The following PTK2B variants were observed in gnomAD, a reference collection of about 807,000 sequenced individuals.
PTK2B encodes the protein protein-tyrosine kinase 2-beta.
PTK2B carries 71 observed loss-of-function variants against 142.9 expected under a neutral mutation model. That is an observed-to-expected ratio of 0.50 (90% confidence interval 0.41 to 0.61). The LOEUF (loss-of-function observed/expected upper bound fraction) is 0.61, where lower values mean the gene tolerates loss of function less well. Among genes scored for constraint, PTK2B ranks in the 20% least tolerant of loss-of-function variants. The pLI, the probability that PTK2B is intolerant of heterozygous loss-of-function variation, is 0.00. For missense variants in PTK2B, 1,105 were observed against 1,320.4 expected (o/e 0.84, Z 2.53); for synonymous variants, 519 against 503.4 (o/e 1.03, Z -0.42).
intron 1 of PTK2B, among the ~76,000 whole-genome samples, chr8:27,386,940 C>G (rs1315408752): frequency 2.0e-5 from 3 of 151,174 alleles, no homozygotes; most frequent in Non-Finnish European, 4.4e-5. Context: ...TAAAATATAC[C>G]TTAATCAAGT....
chr8:27,430,743 T>C, intron 7 of PTK2B, 133 bp from the exon 8 acceptor site: 1 of 1,307,374 alleles, frequency 7.6e-7, no homozygotes, highest in Non-Finnish European at 1.1e-6. Flanking sequence ...AGGTCATAGA[T>C]CACAGCTGCT....
At chr8:27,328,347 G>A (rs1190979694) in intron 1 of PTK2B, among the ~76,000 whole-genome samples, 1 of 151,548 alleles carries the variant, frequency 6.6e-6, no homozygotes, top group Non-Finnish European at 1.5e-5. Context: ...GGAAGTGAAG[G>A]TGCCTTATGA....
chr8:27,441,734 T>G (rs1811167602), intron 21 of PTK2B, among the ~76,000 whole-genome samples: 1 of 151,934 alleles, frequency 6.6e-6, no homozygotes, highest in African/African-American at 2.4e-5. Flanking sequence ...GTATGGGAGG[T>G]TTGAGAAGTC....
chr8:27,325,022 C>G (rs944761793), upstream of PTK2B, among the ~76,000 whole-genome samples: 1 of 152,162 alleles, frequency 6.6e-6, no homozygotes, highest in African/African-American at 2.4e-5. Flanking sequence ...CTTCTGTGTT[C>G]AGGGACCTGG....
intron 1 of PTK2B, among the ~76,000 whole-genome samples, chr8:27,389,685 A>T (rs568156745): frequency 5.4e-4 from 83 of 152,348 alleles, no homozygotes; most frequent in African/African-American, 2.0e-3. Flanking sequence ...ATTACATTCA[A>T]TTATAGCTGG....
At chr8:27,405,590 C>T (rs10088702) in intron 2 of PTK2B, among the ~76,000 whole-genome samples, 38,063 of 152,114 alleles carry the variant, frequency 0.25, 4,952 homozygotes, top group Middle Eastern at 0.38. Context: ...ACCTTCTGCA[C>T]CCCCTCCCTG....
intron 1 of PTK2B, among the ~76,000 whole-genome samples, chr8:27,381,903 G>C (rs963924230): frequency 6.6e-6 from 1 of 152,138 alleles, no homozygotes; most frequent in Non-Finnish European, 1.5e-5. Flanking sequence ...TTTCCCTTAT[G>C]ATTAGTGATA....
chr8:27,330,363 T>C (rs1390789794), intron 1 of PTK2B, among the ~76,000 whole-genome samples: 1 of 152,124 alleles, frequency 6.6e-6, no homozygotes, highest in African/African-American at 2.4e-5. Context: ...TCAGGCAGCT[T>C]CCCCTGAGCA....
chr8:27,334,570 C>T (rs995098432), intron 1 of PTK2B, among the ~76,000 whole-genome samples: 1 of 152,218 alleles, frequency 6.6e-6, no homozygotes, highest in African/African-American at 2.4e-5. Flanking sequence ...CAACCTGATG[C>T]TACATTCCTC....
chr8:27,326,672 A>G (rs1803439555), intron 1 of PTK2B, among the ~76,000 whole-genome samples: 1 of 151,994 alleles, frequency 6.6e-6, no homozygotes, highest in African/African-American at 2.4e-5. Flanking sequence ...CTCTCTGTTC[A>G]CCCCAAGTGC....
chr8:27,340,942 A>G (rs116635659), intron 1 of PTK2B, among the ~76,000 whole-genome samples: 1,630 of 152,352 alleles, frequency 0.011, 41 homozygotes, highest in African/African-American at 0.037. Flanking sequence ...GGGCTTGGCC[A>G]GGCGGGTAAG....
At chr8:27,315,825 T>C (rs928934030) in intron 3 of PTK2B, among the ~76,000 whole-genome samples, 5 of 152,202 alleles carry the variant, frequency 3.3e-5, no homozygotes, top group Admixed American at 2.6e-4. Context: ...CTGGGGCATA[T>C]TATTTCACTT....
rs754219845 is a variant in PTK2B at position 27,454,593 on chromosome 8, G to A, written c.2796G>A (p.Pro932=). ...TGGATGATCTCCTGCCTTCCTTGCC[G>A]TCATCTTCACGGACAGAGGTGAGCG... ...GSVDDLLPSL[P]SSSRTEIEGT... is the part of the protein sequence containing the mutation. Residue 932 remains proline, a synonymous_variant, in exon 30 of 31, where the codon CCG becomes CCA. Coordinates refer to ENST00000346049, the MANE Select transcript of PTK2B (RefSeq NM_173176.3). 1.6e-5 allele frequency: 26 copies of A among 1,613,978 alleles called. No individual in the cohort carries two copies. The highest frequency in any genetic ancestry group is 1.5e-4 in the African/African-American group (11 of 74,924).
chr8:27,451,129 TCGCCCACCATAGGACCCCC>T, intron 26 of PTK2B, 51 bp downstream of exon 26: 1 of 1,581,554 alleles, frequency 6.3e-7, no homozygotes, highest in Admixed American at 1.7e-5. Context: ...TGGGAAGGCC[TCGCCCACCATAGGACCCCC>T]CGCCCAACTT....
chr8:27,417,178 A>C (rs1318505023), intron 2 of PTK2B, among the ~76,000 whole-genome samples: 1 of 152,252 alleles, frequency 6.6e-6, no homozygotes, highest in African/African-American at 2.4e-5. Flanking sequence ...AAAATTAGAA[A>C]TAGTCCAGGT....
At chr8:27,313,794 A>G (rs1349007587) in intron 3 of PTK2B, among the ~76,000 whole-genome samples, 2 of 152,174 alleles carry the variant, frequency 1.3e-5, no homozygotes, top group Non-Finnish European at 2.9e-5. Flanking sequence ...GCTGATTACC[A>G]ATCTCAAGTG....
chr8:27,338,314 CAA>C (rs1202510613), intron 1 of PTK2B, among the ~76,000 whole-genome samples: 1 of 149,498 alleles, frequency 6.7e-6, no homozygotes, highest in Non-Finnish European at 1.5e-5. Context: ...GTTATGCCCT[CAA>C]AAAAATTGCT....
upstream of PTK2B, among the ~76,000 whole-genome samples, chr8:27,324,047 C>A (rs951350859): frequency 2.0e-5 from 3 of 152,186 alleles, no homozygotes; most frequent in African/African-American, 4.8e-5. Context: ...TGCCACTCAG[C>A]CTTCATCACT....
At chr8:27,454,468 G>A in intron 29 of PTK2B, 63 bp from the exon 30 acceptor site, 2 of 1,584,464 alleles carry the variant, frequency 1.3e-6, no homozygotes, top group South Asian at 1.1e-5. Context: ...GCTCTTCCCA[G>A]GGGAAACCTG....
Sources: allele counts gnomAD v4.1 joint callset (sites outside exome capture counted in the v4.1 genomes callset), GRCh38; gene constraint gnomAD v4.1.1; transcripts MANE v1.5; gene names NCBI Gene and HGNC (gene_info 2026-07-23, HGNC 2026-07-21).